The following NT5C3A variants were observed in gnomAD, a reference collection of about 807,000 sequenced individuals.
NT5C3A encodes the protein cytosolic 5'-nucleotidase 3A.
A neutral mutation model predicts 40.0 loss-of-function variants in NT5C3A; 23 were observed. The ratio of observed to expected loss-of-function variants is 0.58; its 90% confidence interval spans 0.41 to 0.81. NT5C3A has a LOEUF of 0.81. NT5C3A is among the 40% of genes least tolerant of loss of function. NT5C3A has a pLI of 0.00. For synonymous variants in NT5C3A, 130 were observed against 141.4 expected, an observed-to-expected ratio of 0.92 and a Z score of 0.57; for missense variants, 328 against 403.0, an observed-to-expected ratio of 0.81 and a Z score of 1.59.
intron 1 of NT5C3A, among the ~76,000 whole-genome samples, chr7:33,053,425 A>T (rs1787449096): frequency 6.6e-6 from 1 of 152,030 alleles, no homozygotes; most frequent in South Asian, 2.1e-4. Context: ...TGACCTCAAG[A>T]TCTGCCCACC....
At chr7:33,023,777 T>C (rs1785762955) in intron 3 of NT5C3A, 1 of 419,592 alleles carries the variant, frequency 2.4e-6, no homozygotes, top group South Asian at 2.9e-5. Context: ...TAAATATTTC[T>C]TGAATAATGA....
chr7:33,017,332 G>T (rs1043560947), intron 7 of NT5C3A, 107 bp downstream of exon 7: 364 of 828,314 alleles, frequency 4.4e-4, no homozygotes, highest in South Asian at 5.0e-4. Flanking sequence ...CTATCGGCTT[G>T]GCCTAATTTC....
chr7:33,033,894 A>ATATATATATAT (rs11437974), intron 1 of NT5C3A, among the ~76,000 whole-genome samples: 1 of 123,536 alleles, frequency 8.1e-6, no homozygotes, highest in African/African-American at 3.1e-5. Context: ...ATATATATAT[A>ATATATATATAT]ATTTTTTTTT....
intron 2 of NT5C3A, among the ~76,000 whole-genome samples, 175 bp from the exon 3 acceptor site, chr7:33,024,283 T>C (rs1456468173): frequency 6.6e-6 from 1 of 152,246 alleles, no homozygotes; most frequent in Non-Finnish European, 1.5e-5. Context: ...GCGGTTCCTT[T>C]ATAAAGTCCT....
intron 1 of NT5C3A, chr7:33,029,700 C>A (rs1186455805): frequency 7.8e-7 from 1 of 1,288,684 alleles, no homozygotes; most frequent in Non-Finnish European, 1.0e-6. Flanking sequence ...TCGAAGAAGG[C>A]TGGTTTCTGC....
At chr7:33,022,922 T>G (rs1002315728) in intron 3 of NT5C3A, among the ~76,000 whole-genome samples, 1 of 148,682 alleles carries the variant, frequency 6.7e-6, no homozygotes, top group Non-Finnish European at 1.5e-5. Context: ...TTTTTAGTGT[T>G]TTTTTTTTTT....
chr7:33,024,074 A>C lies in NT5C3A; in HGVS notation c.272T>G (p.Phe91Cys), dbSNP rs1437159712. ...ITDFDMTLSR[F>C]SYKGKRCPTC... The stretch of plus-strand genomic sequence containing the variant: ...TGGGCATCTTTTCCCTTTATATGAA[A>C]ATCTACTGAGTGTCATATCAAAGTC... Residue 91 changes from phenylalanine (F) to cysteine (C), a missense_variant, in exon 3 of 9, where the codon TTT (phenylalanine) becomes TGT (cysteine). Around this residue, in one of 3 missense-constraint regions of NT5C3A, gnomAD observed 280 missense variants for 317.2 expected, o/e 0.88. Transcript: ENST00000610140. 2.5e-6 allele frequency: 4 copies of C among 1,584,760 alleles called. No individual in the cohort carries two copies. In the South Asian group the frequency reaches 4.4e-5, roughly 18 times the overall value.
rs116710337 is a variant in NT5C3A, at chr7:33,050,457, T to C, written c.138+12111A>G. Among the ~76,000 whole-genome samples, 338 of 152,328 alleles carry C rather than the reference T, an allele frequency of 2.2e-3. 1 individual carries two copies. The highest frequency in any genetic ancestry group is 7.7e-3 in the African/African-American group (322 of 41,568). On this transcript the variant is annotated intron_variant, in intron 1 of 8. Coordinates refer to ENST00000610140, the MANE Select transcript of NT5C3A (RefSeq NM_001002010.5). ...ACTTGTTCCCTTAGAACCCTAACCATTTGACAGAGAAATCCAGATAGACTG... is the reference window on the plus strand; with the variant it reads ...ACTTGTTCCCTTAGAACCCTAACCACTTGACAGAGAAATCCAGATAGACTG...
At chr7:33,037,755 T>C (rs955615582) in intron 1 of NT5C3A, among the ~76,000 whole-genome samples, 4 of 152,176 alleles carry the variant, frequency 2.6e-5, no homozygotes, top group African/African-American at 9.6e-5. Flanking sequence ...AAAAAGAATG[T>C]ATCTGCAGTA....
At chr7:33,038,951 C>T (rs1393851838) in intron 1 of NT5C3A, 1 of 452,994 alleles carries the variant, frequency 2.2e-6, no homozygotes, top group Non-Finnish European at 4.4e-6. Context: ...GAAGTTTTAA[C>T]ATTTTAAGTC....
intron 1 of NT5C3A, chr7:33,029,413 G>T: frequency 2.9e-6 from 1 of 341,500 alleles, no homozygotes; most frequent in African/African-American, 2.2e-5. Context: ...TATCACTTCT[G>T]TAACTCCCTT....
At chr7:33,057,594 C>T (rs368265197) in intron 1 of NT5C3A, among the ~76,000 whole-genome samples, 1 of 152,026 alleles carries the variant, frequency 6.6e-6, no homozygotes, top group African/African-American at 2.4e-5. Flanking sequence ...TTTAAAAAAA[C>T]CACATCAGCT....
chr7:33,054,353 CA>C (rs35691055), intron 1 of NT5C3A, among the ~76,000 whole-genome samples: 85,360 of 135,228 alleles, frequency 0.63, 25,605 homozygotes, highest in African/African-American at 0.75. Context: ...GACCCTGCCT[CA>C]AAAAAAAAAA....
chr7:33,035,990 T>C (rs1191624778), intron 1 of NT5C3A: 1 of 1,612,716 alleles, frequency 6.2e-7, no homozygotes, highest in Non-Finnish European at 8.5e-7. Flanking sequence ...TCCAATCTTC[T>C]GGATTTTCCC....
chr7:33,041,435 G>A (rs1459919520), intron 1 of NT5C3A, among the ~76,000 whole-genome samples: 1 of 151,662 alleles, frequency 6.6e-6, no homozygotes, highest in Non-Finnish European at 1.5e-5. Flanking sequence ...GCCACCAAAT[G>A]AAATGCTTAA....
At chr7:33,043,270 T>G (rs1474213765) in intron 1 of NT5C3A, among the ~76,000 whole-genome samples, 3 of 152,146 alleles carry the variant, frequency 2.0e-5, no homozygotes, top group Non-Finnish European at 4.4e-5. Context: ...GAGTCCAATT[T>G]GAGAAGGAAA....
At position 33,047,692 on chromosome 7, in the gene NT5C3A, G is replaced by A. The variant is rs182877884; in HGVS notation, c.138+14876C>T. Among the ~76,000 whole-genome samples the A allele has an allele frequency of 4.7e-4, 71 of 152,128 alleles. 3 individuals are homozygous for A. The East Asian group carries it at 0.011, about 24-fold the overall frequency. On this transcript the variant is annotated intron_variant, in intron 1 of 8. Transcript: ENST00000610140. ...TAATTATATACATAGAAAAATAAAG[G>A]AAGTACACTTACTAAAACGGGGGTC...
At chr7:33,049,818 A>G (rs1167988877) in intron 1 of NT5C3A, among the ~76,000 whole-genome samples, 2 of 151,658 alleles carry the variant, frequency 1.3e-5, no homozygotes, top group African/African-American at 2.4e-5. Flanking sequence ...AAATACAAAA[A>G]AATTAGCCAG....
chr7:33,032,221 C>T (rs1023290800), intron 1 of NT5C3A, among the ~76,000 whole-genome samples: 1 of 151,774 alleles, frequency 6.6e-6, no homozygotes, highest in African/African-American at 2.4e-5. Flanking sequence ...GTCGGGAGTT[C>T]GAGATCAGCC....
Sources: allele counts gnomAD v4.1 joint callset (sites outside exome capture counted in the v4.1 genomes callset), GRCh38; gene constraint gnomAD v4.1.1; regional missense constraint gnomAD v4.1.1; transcripts MANE v1.5; gene names NCBI Gene and HGNC (gene_info 2026-07-23, HGNC 2026-07-21).